Variants in DNAH17 observed in about 807,000 individuals in gnomAD.
The protein encoded by DNAH17 is axonemal beta dynein heavy chain 17.
A neutral mutation model predicts 485.6 loss-of-function variants in DNAH17; 376 were observed. The observed-to-expected ratio is 0.77, with a 90% confidence interval of 0.71 to 0.84. The LOEUF (loss-of-function observed/expected upper bound fraction) is 0.84. Among genes scored for constraint, DNAH17 ranks in the 40% least tolerant of loss-of-function variants. The pLI, the probability that DNAH17 is intolerant of heterozygous loss-of-function variation, is 0.00. For synonymous variants in DNAH17, 3,031 were observed against 2,405.9 expected (o/e 1.26, Z -7.60); for missense variants, 6,370 against 5,839.3 (o/e 1.09, Z -2.96).
intron 19 of DNAH17, among the ~76,000 whole-genome samples, chr17:78,536,225 G>C (rs1271955869): frequency 6.6e-6 from 1 of 151,950 alleles, no homozygotes; most frequent in South Asian, 2.1e-4. Flanking sequence ...GGATCACAAG[G>C]TCGGGAGATT....
At chr17:78,460,666 C>T (rs543317027) in intron 58 of DNAH17, among the ~76,000 whole-genome samples, 17 of 152,270 alleles carry the variant, frequency 1.1e-4, no homozygotes, top group Admixed American at 7.2e-4. Flanking sequence ...AGCAATGCCT[C>T]GACAGTTGGG....
Position 78,462,977 on chromosome 17 carries a change from T to C in DNAH17, c.9041A>G (p.Tyr3014Cys). 1.2e-6 allele frequency: 2 copies of C among 1,614,014 alleles called. No homozygotes were observed. Among genetic ancestry groups the C allele is most frequent in the Non-Finnish European group, 1.7e-6 (2 of 1,179,890 alleles). ...CTCCAGAAAGGTTTTGGGTGTGGTGTAGTTGTAGCGCCTCTCAGTAGCCAG... is the reference window on the plus strand; with the variant it reads ...CTCCAGAAAGGTTTTGGGTGTGGTGCAGTTGTAGCGCCTCTCAGTAGCCAG... Reference protein sequence around the residue: ...VYLATERRYNYTTPKTFLEQI... With the variant: ...VYLATERRYNCTTPKTFLEQI... The change falls in exon 57 of 81, where the codon TAC (tyrosine) becomes TGC (cysteine). Residue 3014 changes from tyrosine (Y) to cysteine (C), a missense_variant. Tyr to Cys is a radical substitution (Grantham distance 194). Transcript: ENST00000389840.
chr17:78,506,072 C>T (rs973622909), intron 30 of DNAH17, among the ~76,000 whole-genome samples: 1 of 152,044 alleles, frequency 6.6e-6, no homozygotes, highest in African/African-American at 2.4e-5. Flanking sequence ...TTGCATATCC[C>T]TTCTTCTTGT....
intron 11 of DNAH17, among the ~76,000 whole-genome samples, chr17:78,565,089 T>TC (rs1324667008): frequency 1.3e-5 from 2 of 152,196 alleles, no homozygotes; most frequent in African/African-American, 2.4e-5. Context: ...ACCCCTGATG[T>TC]CCCCTCTAAG....
rs1035305851 is a variant in DNAH17, at chr17:78,570,929, C to G, written c.918+19G>C. Reference sequence around the variant, plus strand: ...ACAAGACCCTCCCCACCAAAGCCGGCTCTCCCTTGCCTGCGCACCATCGTG... The same window carrying G: ...ACAAGACCCTCCCCACCAAAGCCGGGTCTCCCTTGCCTGCGCACCATCGTG... On this transcript the variant is annotated intron_variant, in intron 6 of 80. Transcript: ENST00000389840. The G allele has an allele frequency of 1.3e-6, 2 of 1,551,360 alleles. No homozygotes were observed. Among genetic ancestry groups the G allele is most frequent in the Non-Finnish European group, 1.7e-6 (2 of 1,146,990 alleles).
rs763829302 is a variant in DNAH17 at position 78,495,037 on chromosome 17, C to T, written c.5964G>A (p.Glu1988=). ...ELICEIMLMA[E]GFLEARLLAR... is the part of the protein sequence containing the mutation. ...CCAGAAGGCGGGCTTCCAGAAAGCC[C>T]TCGGCCATGAGCATGATCTCACATA... The change falls in exon 39 of 81, where the codon GAG becomes GAA. Residue 1988 remains glutamate, a synonymous_variant. Transcript: ENST00000389840. 1 of 1,612,184 alleles carries T rather than the reference C, an allele frequency of 6.2e-7. No individual in the cohort carries two copies. The highest frequency in any genetic ancestry group is 8.5e-7 in the Non-Finnish European group (1 of 1,179,186).
In DNAH17 at chr17:78,450,733, C is replaced by T; in HGVS notation, c.10848G>A (p.Leu3616=). 1.2e-6 allele frequency: 2 copies of T among 1,614,020 alleles called. No homozygotes were observed. The highest frequency in any genetic ancestry group is 1.7e-6 in the Non-Finnish European group (2 of 1,179,896). The part of the protein sequence containing the change: ...ASGNFLGDTA[L]VENLETTKHT... ...GCTTGGTGGTCTCCAGATTCTCCAC[C>T]AAGGCCGTGTCTCCCAGAAAGTTCC... Residue 3616 remains leucine (L), a synonymous_variant, in exon 67 of 81, where the codon TTG becomes TTA. Coordinates refer to ENST00000389840, the MANE Select transcript of DNAH17 (RefSeq NM_173628.4).
In DNAH17 at chr17:78,480,738, G is replaced by A. The variant is rs192616101; in HGVS notation, c.7698C>T (p.Tyr2566=). ...CGGAAGTGGGGTTCATGCAGGCCAC[G>A]TACTGACAATTATGGATATCTTTTA... ...LTLKDIHNCQ[Y]VACMNPTSGS... is the part of the protein sequence containing the mutation. The change falls in exon 49 of 81, where the codon TAC becomes TAT. Residue 2566 remains tyrosine (Y), a synonymous_variant. Coordinates refer to ENST00000389840, the MANE Select transcript of DNAH17 (RefSeq NM_173628.4). The A allele has an allele frequency of 3.5e-5, 57 of 1,613,820 alleles. No homozygotes were observed. In the African/African-American group the frequency reaches 4.3e-4, roughly 12 times the overall value.
rs1001793568 is a variant in DNAH17 at position 78,427,011 on chromosome 17, A to G, written c.12686T>C (p.Val4229Ala). The change falls in exon 78 of 81, where the codon GTA becomes GCA. Residue 4229 changes from valine to alanine, a missense_variant. Val to Ala is a moderately conservative substitution (Grantham distance 64, BLOSUM62 0). Coordinates refer to ENST00000389840, the MANE Select transcript of DNAH17 (RefSeq NM_173628.4). ...TCTTTCACATTCTTGAAAGGCGACTACCACGTAGGGGGTCTTTTCCGCTGC... is the reference window on the plus strand; with the variant it reads ...TCTTTCACATTCTTGAAAGGCGACTGCCACGTAGGGGGTCTTTTCCGCTGC... The part of the protein sequence containing the change: ...AKAAEKTPYV[V>A]VAFQECERMN... 3 of 1,609,814 alleles carry G rather than the reference A, an allele frequency of 1.9e-6. No individual in the cohort carries two copies. The highest frequency in any genetic ancestry group is 1.3e-5 in the African/African-American group (1 of 74,844).
At chr17:78,570,847 A>T in intron 6 of DNAH17, 101 bp downstream of exon 6, 230 of 508,408 alleles carry the variant, frequency 4.5e-4, no homozygotes, top group Non-Finnish European at 6.5e-4. Flanking sequence ...ACAGAGCGAG[A>T]CTCCCTCTCA....
At position 78,444,802 on chromosome 17, in the gene DNAH17, G is replaced by A. The variant is rs761155509; in HGVS notation, c.11335-5C>T. ...CTCATCCATCTCCGAGAGGGCCTAG[G>A]GGCAGAGGCAGCGGGCCCTGTGACT... On this transcript the variant is annotated splice_polypyrimidine_tract_variant and splice_region_variant and intron_variant, in intron 70 of 80. Transcript: ENST00000389840. 4 of 1,558,350 alleles carry A rather than the reference G, an allele frequency of 2.6e-6. No homozygotes were observed. Among genetic ancestry groups the A allele is most frequent in the Middle Eastern group, 1.7e-4 (1 of 5,716 alleles).
chr17:78,427,451 T>C (rs1251972026), intron 77 of DNAH17, among the ~76,000 whole-genome samples: 3 of 152,232 alleles, frequency 2.0e-5, no homozygotes, highest in Admixed American at 6.5e-5. Flanking sequence ...CTTTGTCCTT[T>C]ACGTGGGCTT....
At chr17:78,507,238 C>T (rs1274961564) in intron 29 of DNAH17, 40 bp downstream of exon 29, 1 of 1,604,428 alleles carries the variant, frequency 6.2e-7, no homozygotes, top group Non-Finnish European at 8.5e-7. Flanking sequence ...AGGGAATCTG[C>T]ACCACTGACT....
rs148374875 is a variant in DNAH17, at chr17:78,541,510, G to A, written c.2533-1630C>T. Among the ~76,000 whole-genome samples, 604 of 151,964 alleles carry A rather than the reference G, an allele frequency of 4.0e-3. 3 individuals are homozygous for A. Among genetic ancestry groups the A allele is most frequent in the African/African-American group, 0.013 (541 of 41,392 alleles). On this transcript the variant is annotated intron_variant, in intron 17 of 80. Coordinates refer to ENST00000389840, the MANE Select transcript of DNAH17 (RefSeq NM_173628.4). ...CTCAGGCAGGTCTATTCTAATAAGG[G>A]AGAGAAGACTTGGGCTCAAATAACT...
At chr17:78,541,331 G>C (rs1273190101) in intron 17 of DNAH17, among the ~76,000 whole-genome samples, 1 of 135,904 alleles carries the variant, frequency 7.4e-6, no homozygotes, top group African/African-American at 2.8e-5. Flanking sequence ...GGGTGGGTAG[G>C]GTGGGTGGAT....
chr17:78,459,363 C>T (rs544862538), intron 60 of DNAH17, among the ~76,000 whole-genome samples, 155 bp from the exon 61 acceptor site: 4 of 152,318 alleles, frequency 2.6e-5, no homozygotes, highest in South Asian at 2.1e-4. Context: ...CACCCCCCAC[C>T]GGCTCTGCTC....
chr17:78,500,673 T>C (rs2146713983), intron 35 of DNAH17: 2 of 381,332 alleles, frequency 5.2e-6, no homozygotes, highest in Non-Finnish European at 4.6e-6. Flanking sequence ...CATGCCCGGC[T>C]AATTTTTGTA....
At chr17:78,453,561 C>G (rs2087649362) in intron 64 of DNAH17, 96 bp from the exon 65 acceptor site, 1 of 1,509,586 alleles carries the variant, frequency 6.6e-7, no homozygotes, top group Admixed American at 2.0e-5. Flanking sequence ...CTGAGCGAGA[C>G]AGCGCCAAGC....
intron 14 of DNAH17, among the ~76,000 whole-genome samples, chr17:78,557,822 C>G (rs2092060600): frequency 6.6e-6 from 1 of 151,780 alleles, no homozygotes. Flanking sequence ...GCTTGGAGAT[C>G]TTACACCAGA....
Sources: allele counts gnomAD v4.1 joint callset (sites outside exome capture counted in the v4.1 genomes callset), GRCh38; gene constraint gnomAD v4.1.1; transcripts MANE v1.5; gene names NCBI Gene and HGNC (gene_info 2026-07-23, HGNC 2026-07-21).